The following SLC6A2 variants were observed in gnomAD, a reference collection of about 807,000 sequenced individuals.
SLC6A2 encodes the protein sodium-dependent noradrenaline transporter.
Under a neutral mutation model 71.7 loss-of-function variants are expected in SLC6A2, and 26 were observed. The ratio of observed to expected loss-of-function variants is 0.36; its 90% CI spans 0.27 to 0.50. The LOEUF (loss-of-function observed/expected upper bound fraction) is 0.50. Among genes scored for constraint, SLC6A2 ranks in the 20% least tolerant of loss-of-function variants. The pLI is 0.96. For synonymous variants in SLC6A2, 363 were observed against 337.9 expected (o/e 1.07, Z -0.82); for missense variants, 581 against 803.9 (o/e 0.72, Z 3.35).
intron 9 of SLC6A2, among the ~76,000 whole-genome samples, chr16:55,697,561 G>A (rs1193998223): frequency 6.6e-6 from 1 of 152,164 alleles, no homozygotes; most frequent in Non-Finnish European, 1.5e-5. Context: ...GTATGACATG[G>A]GTTTTGGTGT....
chr16:55,682,460 A>G (rs930495774), intron 4 of SLC6A2, among the ~76,000 whole-genome samples: 9 of 152,232 alleles, frequency 5.9e-5, no homozygotes, highest in African/African-American at 1.9e-4. Flanking sequence ...CTCATTTTCT[A>G]TAGTTAGAGG....
chr16:55,680,977 C>T (rs1173670351), intron 4 of SLC6A2, among the ~76,000 whole-genome samples: 2 of 152,070 alleles, frequency 1.3e-5, no homozygotes, highest in Non-Finnish European at 2.9e-5. Context: ...CACGCATGCT[C>T]ACATCCCCTC....
chr16:55,657,154 C>G (rs1411178611), intron 2 of SLC6A2, among the ~76,000 whole-genome samples, 186 bp downstream of exon 2: 1 of 152,138 alleles, frequency 6.6e-6, no homozygotes, highest in Non-Finnish European at 1.5e-5. Context: ...GGTCATTTTC[C>G]CAGGCTCTTT....
At chr16:55,684,431 C>A (rs1965381447) in intron 4 of SLC6A2, among the ~76,000 whole-genome samples, 2 of 152,096 alleles carry the variant, frequency 1.3e-5, no homozygotes, top group Non-Finnish European at 2.9e-5. Context: ...CTGCCATAAA[C>A]ATTCTAGAGC....
chr16:55,692,928 A>T (rs1391740282), intron 6 of SLC6A2, among the ~76,000 whole-genome samples: 1 of 152,230 alleles, frequency 6.6e-6, no homozygotes, highest in African/African-American at 2.4e-5. Context: ...GACATGAATC[A>T]GCCTCGTAAA....
intron 8 of SLC6A2, among the ~76,000 whole-genome samples, 169 bp from the exon 9 acceptor site, chr16:55,696,056 C>T (rs941440842): frequency 5.9e-5 from 9 of 152,168 alleles, no homozygotes; most frequent in Non-Finnish European, 4.4e-5. Flanking sequence ...TCAACCTCTC[C>T]GATGCACAGG....
intron 13 of SLC6A2, among the ~76,000 whole-genome samples, chr16:55,700,988 T>A (rs1425908201): frequency 6.6e-6 from 1 of 152,200 alleles, no homozygotes; most frequent in Non-Finnish European, 1.5e-5. Flanking sequence ...GATAATCTTT[T>A]CCTCATATCC....
intron 3 of SLC6A2, among the ~76,000 whole-genome samples, 186 bp downstream of exon 3, chr16:55,669,882 A>G (rs1964856666): frequency 6.6e-6 from 1 of 152,304 alleles, no homozygotes; most frequent in South Asian, 2.1e-4. Flanking sequence ...TGGGAATAGC[A>G]TTAGCATAGA....
At chr16:55,671,762 T>G in intron 3 of SLC6A2, 176 bp from the exon 4 acceptor site, 1 of 1,386,478 alleles carries the variant, frequency 7.2e-7, no homozygotes, top group Non-Finnish European at 9.5e-7. Flanking sequence ...CCAAAATCTG[T>G]GGAAAAATTG....
rs1373574633 is a variant in SLC6A2, at chr16:55,656,257, G to C, written c.-52+88G>C. ...CCAGCAGAGGGCTAGCGAGTTTGTA[G>C]TGCAGTGACGTTAAGTGTCCGAGAA... is the stretch of plus-strand genomic sequence containing the variant. On this transcript the variant is annotated intron_variant, in intron 1 of 14. Coordinates refer to ENST00000568943, the MANE Select transcript of SLC6A2 (RefSeq NM_001172501.3). This position sits in a 1 kb window ranked among gnomAD's most constrained non-coding sequence, Gnocchi z 4.5. 2 of 284,792 alleles carry C rather than the reference G, an allele frequency of 7.0e-6. No homozygotes were observed. The highest frequency in any genetic ancestry group is 4.4e-5 in the African/African-American group (2 of 44,992). The allele number at this position is 284,792 out of a possible 1,614,324, so 17.6% of individuals were successfully genotyped here. A position where few individuals can be genotyped will look rare whatever the true frequency, so the allele number is the denominator to read the frequency against.
chr16:55,674,242 G>A (rs1284624427), intron 4 of SLC6A2, among the ~76,000 whole-genome samples: 2 of 151,728 alleles, frequency 1.3e-5, no homozygotes, highest in African/African-American at 4.8e-5. Flanking sequence ...TTATGTCCAT[G>A]TGTACTCAAT....
At chr16:55,686,983 G>A (rs1409507435) in intron 5 of SLC6A2, among the ~76,000 whole-genome samples, 1 of 152,180 alleles carries the variant, frequency 6.6e-6, no homozygotes, top group Non-Finnish European at 1.5e-5. Flanking sequence ...GACCTACTGT[G>A]TACCAGGCTT....
At chr16:55,699,418 C>T (rs368131587) in intron 11 of SLC6A2, 136 bp from the exon 12 acceptor site, 41 of 729,490 alleles carry the variant, frequency 5.6e-5, no homozygotes, top group South Asian at 5.0e-4. Context: ...GGCCCATCCC[C>T]GAGTCTCCCT....
intron 6 of SLC6A2, among the ~76,000 whole-genome samples, 185 bp downstream of exon 6, chr16:55,692,237 C>T (rs1965657708): frequency 6.6e-6 from 1 of 152,196 alleles, no homozygotes; most frequent in Non-Finnish European, 1.5e-5. Context: ...TGACAGTCTC[C>T]ATAAGCCCAC....
intron 4 of SLC6A2, among the ~76,000 whole-genome samples, chr16:55,683,361 C>T (rs1024857270): frequency 6.6e-6 from 1 of 152,138 alleles, no homozygotes; most frequent in Admixed American, 6.5e-5. Context: ...CCTGTAATCC[C>T]AGCACTTTGG....
chr16:55,659,763 C>T (rs1053726733), intron 2 of SLC6A2, among the ~76,000 whole-genome samples: 1 of 152,202 alleles, frequency 6.6e-6, no homozygotes, highest in African/African-American at 2.4e-5. Flanking sequence ...AGTGAAGCCA[C>T]ATACAACAGT....
At chr16:55,681,084 C>T (rs1161367394) in intron 4 of SLC6A2, among the ~76,000 whole-genome samples, 2 of 152,200 alleles carry the variant, frequency 1.3e-5, no homozygotes, top group African/African-American at 2.4e-5. Context: ...TCTCCCCAGC[C>T]GACCCCCTCT....
chr16:55,686,142 A>G (rs111266813), intron 5 of SLC6A2, among the ~76,000 whole-genome samples: 1 of 152,146 alleles, frequency 6.6e-6, no homozygotes, highest in Admixed American at 6.5e-5. Flanking sequence ...TCACAATTCT[A>G]TGGGTTGATT....
At chr16:55,675,793 A>C (rs751599108) in intron 4 of SLC6A2, among the ~76,000 whole-genome samples, 2 of 152,034 alleles carry the variant, frequency 1.3e-5, no homozygotes, top group Non-Finnish European at 2.9e-5. Flanking sequence ...AAAAAAACAT[A>C]TTCACAAACA....
Sources: allele counts gnomAD v4.1 joint callset (sites outside exome capture counted in the v4.1 genomes callset), GRCh38; gene constraint gnomAD v4.1.1; non-coding constraint Gnocchi (gnomAD v3.1); transcripts MANE v1.5; gene names NCBI Gene and HGNC (gene_info 2026-07-23, HGNC 2026-07-21).